Variants in MTUS2 observed in about 807,000 individuals in gnomAD.
The protein encoded by MTUS2 is microtubule associated scaffold protein 2.
A neutral mutation model predicts 114.1 loss-of-function variants in MTUS2; 40 were observed. The observed-to-expected ratio is 0.35, with a 90% CI of 0.27 to 0.46. MTUS2 has a LOEUF of 0.46. Among genes scored for constraint, MTUS2 ranks in the 20% least tolerant of loss-of-function variants. The pLI, the probability that MTUS2 is intolerant of heterozygous loss-of-function variation, is 1.00. For missense variants in MTUS2, 1,679 were observed against 1,705.4 expected (o/e 0.98, Z 0.27); for synonymous variants, 688 against 672.0 (o/e 1.02, Z -0.37).
At position 29,329,038 on chromosome 13, in the gene MTUS2, C is replaced by T. The variant is rs1159460568; in HGVS notation, c.2905+4327C>T. Among the ~76,000 whole-genome samples, 4 of 152,118 alleles carry T rather than the reference C, an allele frequency of 2.6e-5. No homozygotes were observed. The East Asian group carries it at 7.7e-4, about 29-fold the overall frequency. On this transcript the variant is annotated intron_variant, in intron 7 of 15. Transcript: ENST00000612955. ...GCAAGAGAAAAAGAAGGTCATAGTC[C>T]TCACATTTAAAAACTATTATTTTAT...
At chr13:29,492,485 C>T (rs1288886154) in intron 11 of MTUS2, among the ~76,000 whole-genome samples, 161 bp from the exon 12 acceptor site, 1 of 152,030 alleles carries the variant, frequency 6.6e-6, no homozygotes, top group Non-Finnish European at 1.5e-5. Context: ...CTGGTCATGA[C>T]ATACAATTTC....
chr13:29,342,985 A>G (rs1901475885), intron 7 of MTUS2, among the ~76,000 whole-genome samples: 1 of 152,142 alleles, frequency 6.6e-6, no homozygotes, highest in Non-Finnish European at 1.5e-5. Context: ...ATGTTCAACC[A>G]TCCCTGCATC....
chr13:28,978,817 C>G (rs1462775399), intron 2 of MTUS2, among the ~76,000 whole-genome samples: 1 of 152,176 alleles, frequency 6.6e-6, no homozygotes, highest in Non-Finnish European at 1.5e-5. Context: ...GGACTCTACA[C>G]TATCTGCCCA....
In MTUS2 at chr13:29,204,308, C is replaced by G. The variant is rs560226052; in HGVS notation, c.2645-77396C>G. On this transcript the variant is annotated intron_variant, in intron 5 of 15. Coordinates refer to ENST00000612955, the MANE Select transcript of MTUS2 (RefSeq NM_001033602.4). ...CATCTTGCCAGCCACCCTACCTTTTCTTTCTGTAATTCTTATATGAGCTAA... is the reference window on the plus strand; with the variant it reads ...CATCTTGCCAGCCACCCTACCTTTTGTTTCTGTAATTCTTATATGAGCTAA... Among the ~76,000 whole-genome samples, 218 of 152,306 alleles carry G rather than the reference C, an allele frequency of 1.4e-3. 1 individual carries two copies. The highest frequency in any genetic ancestry group is 5.1e-3 in the African/African-American group (214 of 41,566).
chr13:29,326,008 A>T lies in MTUS2; in HGVS notation c.2905+1297A>T, dbSNP rs1177507602. Among the ~76,000 whole-genome samples, 3 of 152,216 alleles carry T rather than the reference A, an allele frequency of 2.0e-5. No individual in the cohort carries two copies. In the East Asian group the frequency reaches 5.8e-4, roughly 29 times the overall value. On this transcript the variant is annotated intron_variant, in intron 7 of 15. Transcript: ENST00000612955. ...CTGATTAATTTAAAATTTATGGAAA[A>T]TAGGTCAAAGCCGTAAATGTGAAGG... is the stretch of plus-strand genomic sequence containing the variant.
At chr13:29,491,496 GTGTA>G (rs1566234773) in intron 11 of MTUS2, among the ~76,000 whole-genome samples, 2 of 142,230 alleles carry the variant, frequency 1.4e-5, no homozygotes, top group East Asian at 4.3e-4. Context: ...TGTGTAGTGT[GTGTA>G]TGTGGGGGTG....
intron 2 of MTUS2, among the ~76,000 whole-genome samples, chr13:28,956,502 C>CT (rs1883074293): frequency 6.6e-6 from 1 of 152,084 alleles, no homozygotes; most frequent in Non-Finnish European, 1.5e-5. Flanking sequence ...ACCAAAGCCT[C>CT]TTTTTTCAAA....
In MTUS2 at chr13:29,321,450, C is replaced by T. The variant is rs565664022; in HGVS notation, c.2807-3163C>T. Among the ~76,000 whole-genome samples the T allele has an allele frequency of 1.6e-4, 25 of 152,282 alleles. No homozygotes were observed. The Middle Eastern group carries it at 0.014, about 83-fold the overall frequency. On this transcript the variant is annotated intron_variant, in intron 6 of 15. Transcript: ENST00000612955. The stretch of plus-strand genomic sequence containing the variant: ...AAAAATGGCAAGAAGAACAGAAGGT[C>T]TTGATTCATCTCTGTAATTATCTGT...
intron 5 of MTUS2, among the ~76,000 whole-genome samples, chr13:29,145,257 C>T (rs1485508839): frequency 2.0e-5 from 3 of 152,166 alleles, no homozygotes; most frequent in African/African-American, 7.2e-5. Flanking sequence ...CACAGTGGCT[C>T]ACTCCTGTAA....
intron 2 of MTUS2, among the ~76,000 whole-genome samples, chr13:28,997,145 G>A (rs960568139): frequency 3.9e-5 from 6 of 152,040 alleles, no homozygotes; most frequent in Admixed American, 2.6e-4. Context: ...CCTTCATTTC[G>A]TTATGTACCC....
intron 2 of MTUS2, among the ~76,000 whole-genome samples, chr13:28,948,334 TAAG>T (rs1224132778): frequency 6.6e-6 from 1 of 152,182 alleles, no homozygotes; most frequent in Non-Finnish European, 1.5e-5. Flanking sequence ...CTCTCAATTT[TAAG>T]AAACTAAGGC....
rs1231069317 is a variant in MTUS2, at chr13:29,505,628, C to T, written c.*2422C>T. On this transcript the variant is annotated 3_prime_UTR_variant, in exon 16 of 16. Coordinates refer to ENST00000612955, the MANE Select transcript of MTUS2 (RefSeq NM_001033602.4). ...CTCTCCACGTGGCGTCTGCCTCTGT[C>T]CCCTTCCAGGCTGGAGCGACGTTTC... The T allele has an allele frequency of 4.3e-6, 1 of 231,634 alleles. No homozygotes were observed. Among genetic ancestry groups the T allele is most frequent in the African/African-American group, 2.2e-5 (1 of 45,258 alleles). 14.3% of individuals were successfully genotyped at this position (231,634 alleles called of 1,614,324 possible).
intron 5 of MTUS2, among the ~76,000 whole-genome samples, chr13:29,156,484 G>A (rs1892865016): frequency 6.6e-6 from 1 of 152,128 alleles, no homozygotes; most frequent in Non-Finnish European, 1.5e-5. Context: ...TACAAGCAAA[G>A]ATGTCTGGAA....
chr13:29,373,648 T>C (rs2388069), intron 8 of MTUS2, among the ~76,000 whole-genome samples: 133,158 of 152,200 alleles, frequency 0.87, 58,419 homozygotes, highest in East Asian at 0.92. Context: ...ATCCTAATAG[T>C]ACTTCAAAAG....
At chr13:29,199,702 C>A (rs1296620349) in intron 5 of MTUS2, among the ~76,000 whole-genome samples, 2 of 151,960 alleles carry the variant, frequency 1.3e-5, no homozygotes, top group African/African-American at 4.8e-5. Context: ...ATGCTGGCCT[C>A]ATAAAATGAG....
rs543737359 is a variant in MTUS2 at position 29,451,836 on chromosome 13, G to A, written c.3184+11787G>A. ...ACTCCTGACCTCAGGTGATCCACCC[G>A]CCTCAGCCTCCCAAAGTGCTGGGAT... On this transcript the variant is annotated intron_variant, in intron 9 of 15. Coordinates refer to ENST00000612955, the MANE Select transcript of MTUS2 (RefSeq NM_001033602.4). Among the ~76,000 whole-genome samples, 258 of 152,098 alleles carry A rather than the reference G, an allele frequency of 1.7e-3. 1 individual carries two copies. Among genetic ancestry groups the A allele is most frequent in the African/African-American group, 5.9e-3 (246 of 41,480 alleles).
At chr13:28,866,229 T>A (rs1439747022) in intron 2 of MTUS2, among the ~76,000 whole-genome samples, 1 of 152,216 alleles carries the variant, frequency 6.6e-6, no homozygotes, top group Non-Finnish European at 1.5e-5. Context: ...TGGTGCTGAT[T>A]ACTGCACTAT....
At chr13:28,854,140 C>T (rs1463727102) in intron 2 of MTUS2, among the ~76,000 whole-genome samples, 1 of 152,178 alleles carries the variant, frequency 6.6e-6, no homozygotes, top group East Asian at 1.9e-4. Context: ...GATGCAGAAT[C>T]TCAAGACTTA....
intron 2 of MTUS2, among the ~76,000 whole-genome samples, chr13:28,967,609 T>C (rs1883655738): frequency 1.3e-5 from 2 of 152,182 alleles, no homozygotes; most frequent in African/African-American, 4.8e-5. Flanking sequence ...TCACCAAAAG[T>C]ACTGTCTGCT....
Sources: allele counts gnomAD v4.1 joint callset (sites outside exome capture counted in the v4.1 genomes callset), GRCh38; gene constraint gnomAD v4.1.1; transcripts MANE v1.5; gene names NCBI Gene and HGNC (gene_info 2026-07-23, HGNC 2026-07-21).